FAM162A: variants seen among roughly 807,000 people sequenced by gnomAD.
FAM162A encodes protein FAM162A.
A neutral mutation model predicts 21.8 loss-of-function variants in FAM162A; 23 were observed. The ratio of observed to expected loss-of-function variants is 1.05; its 90% CI spans 0.76 to 1.49. FAM162A has a LOEUF of 1.49. FAM162A is among the 40% of genes most tolerant of loss of function. The pLI, the probability that FAM162A is intolerant of heterozygous loss-of-function variation, is 0.00. For missense variants in FAM162A, 165 were observed against 186.4 expected (o/e 0.89, Z 0.67); for synonymous variants, 53 against 61.3 (o/e 0.86, Z 0.64).
intron 1 of FAM162A, among the ~76,000 whole-genome samples, chr3:122,385,156 T>C (rs2075569116): frequency 6.6e-6 from 1 of 151,936 alleles, no homozygotes; most frequent in Non-Finnish European, 1.5e-5. Context: ...TCAAATAATA[T>C]AAATATATAT....
chr3:122,409,536 C>T (rs1414109133), intron 4 of FAM162A, among the ~76,000 whole-genome samples: 5 of 152,060 alleles, frequency 3.3e-5, no homozygotes, highest in African/African-American at 7.2e-5. Context: ...GCACTTCTTA[C>T]TTATGCTTGA....
chr3:122,408,768 TTAAATACTCCAGAAG>T (rs2075688938), intron 4 of FAM162A, among the ~76,000 whole-genome samples: 1 of 152,254 alleles, frequency 6.6e-6, no homozygotes, highest in African/African-American at 2.4e-5. Flanking sequence ...CTAGCTGAGT[TTAAATACTCCAGAAG>T]CAAATTATTC....
intron 1 of FAM162A, chr3:122,401,584 A>G (rs2075653773): frequency 8.3e-7 from 1 of 1,203,652 alleles, no homozygotes; most frequent in Non-Finnish European, 1.1e-6. Context: ...TCAGGTGATT[A>G]TAATTTCATC....
intron 1 of FAM162A, among the ~76,000 whole-genome samples, chr3:122,395,107 A>G (rs1381582436): frequency 2.0e-5 from 3 of 152,212 alleles, no homozygotes; most frequent in Admixed American, 1.3e-4. Flanking sequence ...ATGAATAGAA[A>G]GGAACTTCCT....
At chr3:122,409,374 A>G (rs1422558698) in intron 4 of FAM162A, among the ~76,000 whole-genome samples, 1 of 152,180 alleles carries the variant, frequency 6.6e-6, no homozygotes, top group Admixed American at 6.5e-5. Context: ...GCAACAGAGA[A>G]AAGTGAAAGA....
intron 1 of FAM162A, among the ~76,000 whole-genome samples, chr3:122,385,592 A>G (rs887876579): frequency 6.6e-6 from 1 of 152,250 alleles, no homozygotes; most frequent in African/African-American, 2.4e-5. Context: ...TAAGTAGTTC[A>G]TCTTCTTGCT....
intron 3 of FAM162A, among the ~76,000 whole-genome samples, chr3:122,405,080 A>G (rs2075671022): frequency 6.6e-6 from 1 of 152,150 alleles, no homozygotes; most frequent in Admixed American, 6.5e-5. Flanking sequence ...CGGGGTGGGA[A>G]TCTCCCCTGG....
At chr3:122,388,195 G>A (rs2075583291) in intron 1 of FAM162A, among the ~76,000 whole-genome samples, 1 of 152,234 alleles carries the variant, frequency 6.6e-6, no homozygotes, top group Non-Finnish European at 1.5e-5. Context: ...TTTAGGAAGT[G>A]TCTTGAAGAA....
intron 3 of FAM162A, among the ~76,000 whole-genome samples, chr3:122,405,717 A>G (rs1280764969): frequency 1.3e-5 from 2 of 152,142 alleles, no homozygotes; most frequent in African/African-American, 4.8e-5. Flanking sequence ...CTGGGCAGCC[A>G]TTTGTCCTTG....
intron 1 of FAM162A, among the ~76,000 whole-genome samples, chr3:122,397,989 A>G (rs901958069): frequency 4.6e-5 from 7 of 152,208 alleles, no homozygotes; most frequent in Non-Finnish European, 7.3e-5. Flanking sequence ...AAAGCTATCA[A>G]TGACCACTGA....
chr3:122,393,705 A>T (rs891937388), intron 1 of FAM162A, among the ~76,000 whole-genome samples: 1 of 152,214 alleles, frequency 6.6e-6, no homozygotes, highest in Non-Finnish European at 1.5e-5. Flanking sequence ...TGTTTGACAT[A>T]ACATGGAGTG....
At chr3:122,384,343 G>C in intron 1 of FAM162A, 44 bp downstream of exon 1, 5 of 1,557,388 alleles carry the variant, frequency 3.2e-6, no homozygotes, top group Non-Finnish European at 4.3e-6. Context: ...AGCTGGCCCG[G>C]CCGCTGCGGG....
chr3:122,397,229 A>C (rs1035894223), intron 1 of FAM162A, among the ~76,000 whole-genome samples: 3 of 151,416 alleles, frequency 2.0e-5, no homozygotes, highest in African/African-American at 7.3e-5. Context: ...GCAAGGGGGG[A>C]AAAGTAAGGA....
intron 1 of FAM162A, among the ~76,000 whole-genome samples, chr3:122,385,028 G>A (rs1029328356): frequency 9.9e-5 from 15 of 151,974 alleles, no homozygotes; most frequent in African/African-American, 3.6e-4. Context: ...GAAATCAGAG[G>A]GCTTGCATTT....
intron 1 of FAM162A, among the ~76,000 whole-genome samples, chr3:122,397,033 T>C (rs1271369458): frequency 1.3e-5 from 2 of 152,192 alleles, no homozygotes; most frequent in Non-Finnish European, 2.9e-5. Context: ...TAGTGATCAA[T>C]ACACAACTTA....
chr3:122,407,650 T>A (rs893216981), intron 4 of FAM162A: 16 of 486,460 alleles, frequency 3.3e-5, no homozygotes, highest in African/African-American at 2.9e-4. Flanking sequence ...AAAGTGTTTC[T>A]GATGACAGGT....
intron 3 of FAM162A, 89 bp downstream of exon 3, chr3:122,404,452 C>T: frequency 1.6e-6 from 1 of 607,732 alleles, no homozygotes. Flanking sequence ...CTGTTTAAAA[C>T]TTTTCAACCA....
intron 3 of FAM162A, among the ~76,000 whole-genome samples, chr3:122,406,042 C>T (rs1487737733): frequency 6.6e-6 from 1 of 152,200 alleles, no homozygotes; most frequent in Non-Finnish European, 1.5e-5. Flanking sequence ...CTTCCACCTG[C>T]AACATCCCAG....
chr3:122,384,214 C>T lies in FAM162A; in HGVS notation c.-52C>T, dbSNP rs2075561001. 18 of 1,551,326 alleles carry T rather than the reference C, an allele frequency of 1.2e-5. No individual in the cohort carries two copies. Among genetic ancestry groups the T allele is most frequent in the Middle Eastern group, 2.1e-4 (1 of 4,770 alleles). On this transcript the variant is annotated 5_prime_UTR_variant, in exon 1 of 5. Coordinates refer to ENST00000477892, the MANE Select transcript of FAM162A (RefSeq NM_014367.4). ...CGCTGGGTGACATTGAGCTCACCAG[C>T]GCCACCGTCCCCGGCGAAGTTCTGC...
Sources: gnomAD v4.1 joint callset for allele counts (sites outside exome capture counted in the v4.1 genomes callset) on GRCh38, gnomAD v4.1.1 for gene constraint, MANE v1.5 for transcripts, NCBI Gene and HGNC (gene_info 2026-07-23, HGNC 2026-07-21) for gene names.